ZSCAN25: variants seen among roughly 807,000 people sequenced by gnomAD.
ZSCAN25 encodes the protein zinc finger and SCAN domain-containing protein 25.
A neutral mutation model predicts 38.7 loss-of-function variants in ZSCAN25; 27 were observed. The observed-to-expected ratio is 0.70, with a 90% confidence interval of 0.51 to 0.96. ZSCAN25 has a LOEUF of 0.96. Among genes scored for constraint, ZSCAN25 ranks in the 40% least tolerant of loss-of-function variants. The pLI is 0.00. For synonymous variants in ZSCAN25, 273 were observed against 277.7 expected, an observed-to-expected ratio of 0.98 and a Z score of 0.17; for missense variants, 637 against 705.9, an observed-to-expected ratio of 0.90 and a Z score of 1.11.
chr7:99,620,647 A>G (rs995323247), intron 4 of ZSCAN25: 3 of 152,364 alleles, frequency 2.0e-5, no homozygotes, highest in African/African-American at 7.2e-5. Context: ...TGTCTTCAGA[A>G]TCCTAAGAGA....
the ZSCAN25 span, chr7:99,660,760 A>T: frequency 7.1e-7 from 1 of 1,416,510 alleles, no homozygotes. Flanking sequence ...AGAAGAAAAA[A>T]TGGAAAAGCA....
the ZSCAN25 span, among the ~76,000 whole-genome samples, chr7:99,667,890 AT>A: frequency 6.6e-6 from 1 of 152,224 alleles, no homozygotes; most frequent in Non-Finnish European, 1.5e-5. Flanking sequence ...GAACTAAAAA[AT>A]GCCCACTCTC....
the ZSCAN25 span, chr7:99,665,137 AAGAG>A: frequency 2.0e-6 from 3 of 1,536,366 alleles, no homozygotes; most frequent in Admixed American, 1.9e-5. Flanking sequence ...TATTTTTAAA[AAGAG>A]AGAAAGAAAT....
the ZSCAN25 span, among the ~76,000 whole-genome samples, chr7:99,649,506 C>T: frequency 0.027 from 4,058 of 152,216 alleles, 84 homozygotes; most frequent in Non-Finnish European, 0.042. Flanking sequence ...CCTTCATATC[C>T]ACCAGAAATG....
At chr7:99,736,335 G>C in the ZSCAN25 span, among the ~76,000 whole-genome samples, 4 of 152,312 alleles carry the variant, frequency 2.6e-5, no homozygotes, top group Admixed American at 2.0e-4. Context: ...CAATGAGGTG[G>C]TCCCAGCCTC....
downstream of ZSCAN25, among the ~76,000 whole-genome samples, chr7:99,633,479 G>A (rs1373467110): frequency 6.6e-6 from 1 of 152,130 alleles, no homozygotes; most frequent in Non-Finnish European, 1.5e-5. Flanking sequence ...CTCTTTATTT[G>A]CCTGTTTTCA....
the ZSCAN25 span, chr7:99,647,420 C>A: frequency 1.2e-6 from 1 of 864,136 alleles, no homozygotes; most frequent in Non-Finnish European, 1.4e-6. Flanking sequence ...ATGAATAGTG[C>A]TTTTAGACAT....
chr7:99,685,309 A>C, the ZSCAN25 span: 9 of 1,575,084 alleles, frequency 5.7e-6, no homozygotes, highest in African/African-American at 1.2e-4. Context: ...CAAAGTAAAC[A>C]AAAAATGTAT....
At chr7:99,710,159 G>T in the ZSCAN25 span, among the ~76,000 whole-genome samples, 1 of 152,118 alleles carries the variant, frequency 6.6e-6, no homozygotes, top group African/African-American at 2.4e-5. Flanking sequence ...TCCAAGTTTT[G>T]GCAGAGGTCT....
chr7:99,717,744 G>A, the ZSCAN25 span: 1 of 1,388,866 alleles, frequency 7.2e-7, no homozygotes, highest in Non-Finnish European at 1.0e-6. Context: ...AATATTTAGT[G>A]ACTGTCTACT....
At chr7:99,642,780 GT>G in the ZSCAN25 span, among the ~76,000 whole-genome samples, 1 of 152,134 alleles carries the variant, frequency 6.6e-6, no homozygotes, top group Non-Finnish European at 1.5e-5. Context: ...CTTCAGCTGT[GT>G]GAAAGTAGAA....
At chr7:99,733,149 T>C in the ZSCAN25 span, among the ~76,000 whole-genome samples, 1 of 152,214 alleles carries the variant, frequency 6.6e-6, no homozygotes, top group African/African-American at 2.4e-5. Context: ...CAGGGTGGCC[T>C]TGGGTTTTCC....
At chr7:99,697,376 C>G in the ZSCAN25 span, among the ~76,000 whole-genome samples, 1 of 152,208 alleles carries the variant, frequency 6.6e-6, no homozygotes, top group African/African-American at 2.4e-5. Context: ...TGATGGCAGA[C>G]ATCACCAGCC....
At chr7:99,734,909 C>T in the ZSCAN25 span, 1 of 1,534,204 alleles carries the variant, frequency 6.5e-7, no homozygotes, top group African/African-American at 1.4e-5. Context: ...GTGTGAGCCA[C>T]CACGGCCAGC....
chr7:99,691,383 T>C, the ZSCAN25 span, among the ~76,000 whole-genome samples: 1 of 152,174 alleles, frequency 6.6e-6, no homozygotes, highest in Admixed American at 6.5e-5. Context: ...ACATGGCACA[T>C]GTATACATAT....
chr7:99,718,830 C>T, the ZSCAN25 span, among the ~76,000 whole-genome samples: 941 of 152,248 alleles, frequency 6.2e-3, 12 homozygotes, highest in African/African-American at 0.021. Context: ...GATCAACAAA[C>T]AAAAGCCAAG....
At position 99,622,657 on chromosome 7, in the gene ZSCAN25, T is replaced by G. The variant is rs1487051825; in HGVS notation, c.681+17T>G. 2.5e-6 allele frequency: 4 copies of G among 1,611,552 alleles called. No homozygotes were observed. Among genetic ancestry groups the G allele is most frequent in the Admixed American group, 3.3e-5 (2 of 59,804 alleles). On this transcript the variant is annotated intron_variant, in intron 6 of 7. Coordinates refer to ENST00000394152, the MANE Select transcript of ZSCAN25 (RefSeq NM_145115.3). ...GGATCGCAGGTGAGCTCTGACTCCC[T>G]TTGCAGAAATCATGACCGTTGCTTT...
At chr7:99,684,123 G>T in the ZSCAN25 span, among the ~76,000 whole-genome samples, 15 of 151,758 alleles carry the variant, frequency 9.9e-5, no homozygotes, top group East Asian at 2.9e-3. Flanking sequence ...ATATAATAAG[G>T]GATTCAGTTG....
At chr7:99,663,616 A>G in the ZSCAN25 span, 2 of 1,000,626 alleles carry the variant, frequency 2.0e-6, no homozygotes, top group Non-Finnish European at 2.4e-6. Flanking sequence ...TTCTTTACCA[A>G]TCTGTGATAT....
Sources: gnomAD v4.1 joint callset for allele counts (sites outside exome capture counted in the v4.1 genomes callset) on GRCh38, gnomAD v4.1.1 for gene constraint, MANE v1.5 for transcripts, NCBI Gene and HGNC (gene_info 2026-07-23, HGNC 2026-07-21) for gene names.